The following KLHL1 variants were observed in gnomAD, a reference collection of about 807,000 sequenced individuals.
KLHL1 encodes the protein kelch like family member 1, also known as kelch-like protein 1.
A neutral mutation model predicts 77.7 loss-of-function variants in KLHL1; 47 were observed. The observed-to-expected ratio is 0.60, with a 90% CI of 0.48 to 0.77. KLHL1 has a LOEUF of 0.77. Ranked by LOEUF, KLHL1 falls within the 30% of genes least tolerant of loss-of-function variation. KLHL1 has a pLI of 0.00. For missense variants in KLHL1, 925 were observed against 910.8 expected (o/e 1.02, Z -0.20); for synonymous variants, 360 against 325.2 (o/e 1.11, Z -1.15).
At chr13:69,724,543 A>G (rs1242773004) in intron 8 of KLHL1, among the ~76,000 whole-genome samples, 1 of 152,104 alleles carries the variant, frequency 6.6e-6, no homozygotes, top group Non-Finnish European at 1.5e-5. Flanking sequence ...CACCACCAAA[A>G]ACAAACAAAC....
At chr13:69,915,604 A>G (rs1882402748) in intron 4 of KLHL1, among the ~76,000 whole-genome samples, 1 of 152,222 alleles carries the variant, frequency 6.6e-6, no homozygotes, top group Admixed American at 6.5e-5. Context: ...AAGATGGATT[A>G]AAGACTTAAA....
At chr13:69,717,304 A>C (rs1872814283) in intron 9 of KLHL1, among the ~76,000 whole-genome samples, 1 of 152,150 alleles carries the variant, frequency 6.6e-6, no homozygotes, top group African/African-American at 2.4e-5. Flanking sequence ...AAGTGGTTCC[A>C]CAGAGGCACA....
At chr13:69,802,591 C>G (rs1461631481) in intron 6 of KLHL1, among the ~76,000 whole-genome samples, 1 of 152,162 alleles carries the variant, frequency 6.6e-6, no homozygotes, top group Non-Finnish European at 1.5e-5. Flanking sequence ...GTTATGTTAT[C>G]TATAGAATAC....
chr13:69,964,225 G>C (rs2137274781), intron 2 of KLHL1, among the ~76,000 whole-genome samples: 1 of 152,102 alleles, frequency 6.6e-6, no homozygotes, highest in African/African-American at 2.4e-5. Flanking sequence ...TGAATTTTTT[G>C]TAGACAGCAT....
intron 1 of KLHL1, among the ~76,000 whole-genome samples, chr13:70,052,814 C>A (rs1441555): frequency 0.065 from 9,905 of 151,798 alleles, 937 homozygotes; most frequent in African/African-American, 0.21. Flanking sequence ...AGTGCAAAGG[C>A]CTGTTGTTGA....
Position 70,099,849 on chromosome 13 carries a change from T to C in KLHL1, c.497+7354A>G, listed in dbSNP as rs549939301. Among the ~76,000 whole-genome samples, 185 of 152,156 alleles carry C rather than the reference T, an allele frequency of 1.2e-3. 1 individual carries two copies. The highest frequency in any genetic ancestry group is 2.1e-3 in the Non-Finnish European group (141 of 67,942). On this transcript the variant is annotated intron_variant, in intron 1 of 10. Coordinates refer to ENST00000377844, the MANE Select transcript of KLHL1 (RefSeq NM_020866.3). ...TTAAATTTTTTATATGGCAGAATAGTATTTCATTATATGACTATTAACAAA... is the reference window on the plus strand; with the variant it reads ...TTAAATTTTTTATATGGCAGAATAGCATTTCATTATATGACTATTAACAAA...
intron 7 of KLHL1, among the ~76,000 whole-genome samples, chr13:69,775,686 C>T (rs1875791278): frequency 6.6e-6 from 1 of 150,486 alleles, no homozygotes; most frequent in Admixed American, 6.6e-5. Flanking sequence ...TTCCTGAATG[C>T]CTAAGGGTTT....
chr13:70,105,998 G>A (rs1014891048), intron 1 of KLHL1, among the ~76,000 whole-genome samples: 19 of 150,400 alleles, frequency 1.3e-4, no homozygotes, highest in African/African-American at 4.6e-4. Context: ...TATATATAAT[G>A]TATATAATTG....
chr13:70,060,310 T>C (rs1250626293), intron 1 of KLHL1, among the ~76,000 whole-genome samples: 1 of 152,168 alleles, frequency 6.6e-6, no homozygotes, highest in Non-Finnish European at 1.5e-5. Flanking sequence ...TTGTACACTC[T>C]TGTTGGGAAT....
At chr13:69,946,668 A>AG (rs1397161574) in intron 3 of KLHL1, among the ~76,000 whole-genome samples, 25 of 152,026 alleles carry the variant, frequency 1.6e-4, no homozygotes, top group Admixed American at 4.6e-4. Flanking sequence ...ATGCACCACT[A>AG]GGTTCAGCTA....
At chr13:69,816,724 CTTA>C (rs1419285861) in intron 6 of KLHL1, among the ~76,000 whole-genome samples, 1 of 152,118 alleles carries the variant, frequency 6.6e-6, no homozygotes, top group Non-Finnish European at 1.5e-5. Context: ...AAAACTTAAA[CTTA>C]TTATTTCTAC....
intron 8 of KLHL1, among the ~76,000 whole-genome samples, chr13:69,722,222 T>G (rs9542046): frequency 0.88 from 133,893 of 151,872 alleles, 59,293 homozygotes; most frequent in East Asian, 0.99. Context: ...AACATTACTC[T>G]GATAAATTAT....
At chr13:70,029,034 A>G (rs1410170849) in intron 1 of KLHL1, among the ~76,000 whole-genome samples, 1 of 152,150 alleles carries the variant, frequency 6.6e-6, no homozygotes, top group Non-Finnish European at 1.5e-5. Flanking sequence ...TTATCAGAAC[A>G]AAAGCAAGGA....
At chr13:69,952,251 A>G (rs1346737030) in intron 3 of KLHL1, among the ~76,000 whole-genome samples, 1 of 151,524 alleles carries the variant, frequency 6.6e-6, no homozygotes, top group Non-Finnish European at 1.5e-5. Context: ...CCAGGAAAAC[A>G]CATGAAAATA....
chr13:69,909,244 G>C (rs1246400259), intron 4 of KLHL1, among the ~76,000 whole-genome samples: 1 of 151,758 alleles, frequency 6.6e-6, no homozygotes, highest in Admixed American at 6.6e-5. Flanking sequence ...AATCTTAACT[G>C]CCTCTACTTT....
intron 3 of KLHL1, among the ~76,000 whole-genome samples, chr13:69,955,321 C>T (rs550537959): frequency 1.3e-5 from 2 of 151,414 alleles, no homozygotes; most frequent in African/African-American, 4.8e-5. Context: ...TAAGCAGAAG[C>T]TATCTTAACA....
In KLHL1 at chr13:70,084,622, CTTTTTTTT is replaced by C. The variant is rs71116988; in HGVS notation, c.497+22573_497+22580del. ...TACAGGCACCTGCCACCACGCCAGGCTTTTTTTTTTTTTTTTTTTTTTTTTTGAATTTT... is the reference window on the plus strand; with the variant it reads ...TACAGGCACCTGCCACCACGCCAGGCTTTTTTTTTTTTTTTTTTGAATTTT... On this transcript the variant is annotated intron_variant, in intron 1 of 10. Transcript: ENST00000377844. Among the ~76,000 whole-genome samples the C allele has an allele frequency of 6.0e-4, 9 of 14,956 alleles. 1 individual carries two copies. The highest frequency in any genetic ancestry group is 9.1e-3 in the East Asian group (2 of 220). The allele number at this position is 14,956 out of a possible 152,430, so 9.8% of individuals were successfully genotyped here.
At chr13:70,048,864 C>T (rs1024181105) in intron 1 of KLHL1, among the ~76,000 whole-genome samples, 6 of 152,144 alleles carry the variant, frequency 3.9e-5, no homozygotes, top group Non-Finnish European at 8.8e-5. Context: ...GGGTTGGGGA[C>T]CCCTGCTATA....
At chr13:69,942,864 T>C (rs1310900076) in intron 3 of KLHL1, among the ~76,000 whole-genome samples, 1 of 152,168 alleles carries the variant, frequency 6.6e-6, no homozygotes, top group Non-Finnish European at 1.5e-5. Context: ...AATGTTCAAA[T>C]AGTTTGCTGT....
Sources: allele counts gnomAD v4.1 joint callset (sites outside exome capture counted in the v4.1 genomes callset), GRCh38; gene constraint gnomAD v4.1.1; transcripts MANE v1.5; gene names NCBI Gene and HGNC (gene_info 2026-07-23, HGNC 2026-07-21).